TANC2: variants seen among roughly 807,000 people sequenced by gnomAD.
TANC2 encodes the protein protein TANC2.
Under a neutral mutation model 210.5 loss-of-function variants are expected in TANC2, and 26 were observed. The ratio of observed to expected loss-of-function variants is 0.12; its 90% CI spans 0.09 to 0.17. The LOEUF is 0.17. Among genes scored for constraint, TANC2 ranks in the 10% least tolerant of loss-of-function variants. The probability of loss-of-function intolerance (pLI) is 1.00; values close to 1 mark genes in which losing one functional copy is unlikely to be tolerated. For missense variants in TANC2, 2,129 were observed against 2,608.9 expected (o/e 0.82, Z 4.01); for synonymous variants, 931 against 967.1 (o/e 0.96, Z 0.69).
chr17:63,233,729 C>T lies in TANC2; in HGVS notation c.770-4085C>T, dbSNP rs895023458. Among the ~76,000 whole-genome samples, 8 of 152,230 alleles carry T rather than the reference C, an allele frequency of 5.3e-5. No homozygotes were observed. The East Asian group carries it at 1.5e-3, about 29-fold the overall frequency. On this transcript the variant is annotated intron_variant, in intron 7 of 27. Transcript: ENST00000689528. ...CCAAGATGTTAAACTTGTACCAGCA[C>T]ACCACTGGCCCCAACCCACCTCCAA...
intron 1 of TANC2, among the ~76,000 whole-genome samples, chr17:62,975,523 T>C (rs973618567): frequency 6.6e-6 from 1 of 151,768 alleles, no homozygotes; most frequent in African/African-American, 2.4e-5. Flanking sequence ...GATCAGAGAA[T>C]CAGCTTTTCC....
intron 2 of TANC2, among the ~76,000 whole-genome samples, chr17:63,070,230 A>C (rs1425208140): frequency 6.6e-6 from 1 of 152,200 alleles, no homozygotes; most frequent in Non-Finnish European, 1.5e-5. Context: ...AAGGGGAAAA[A>C]AAATCTCTTT....
chr17:63,051,486 T>A (rs983342002), intron 2 of TANC2, among the ~76,000 whole-genome samples: 1 of 152,206 alleles, frequency 6.6e-6, no homozygotes, highest in African/African-American at 2.4e-5. Flanking sequence ...GTATTATCTG[T>A]TGAAACTGTA....
chr17:63,031,549 C>T (rs1405699618), intron 2 of TANC2, among the ~76,000 whole-genome samples: 2 of 151,986 alleles, frequency 1.3e-5, no homozygotes, highest in Non-Finnish European at 2.9e-5. Context: ...ACTTTGTTTC[C>T]ATTTTAAAAA....
chr17:63,021,038 A>G (rs1181409282), intron 2 of TANC2, among the ~76,000 whole-genome samples: 3 of 152,022 alleles, frequency 2.0e-5, no homozygotes, highest in Non-Finnish European at 2.9e-5. Context: ...TGACCCAGAT[A>G]CCTCTTGAGG....
At chr17:63,396,855 T>C (rs1386505690) in intron 18 of TANC2, 2 of 152,038 alleles carry the variant, frequency 1.3e-5, no homozygotes, top group Admixed American at 1.3e-4. Flanking sequence ...AAAAAACTGT[T>C]GTTATCCTCA....
chr17:63,212,124 G>A (rs1470068267), intron 7 of TANC2, among the ~76,000 whole-genome samples: 1 of 152,040 alleles, frequency 6.6e-6, no homozygotes, highest in African/African-American at 2.4e-5. Context: ...GTGAGAACAT[G>A]CAGTGTTTGG....
intron 14 of TANC2, among the ~76,000 whole-genome samples, chr17:63,378,620 C>G (rs1300577422): frequency 1.3e-5 from 2 of 152,142 alleles, no homozygotes; most frequent in Non-Finnish European, 2.9e-5. Flanking sequence ...AAGACAATAT[C>G]CAGAGGCAGA....
At chr17:63,403,177 G>T (rs1049621564) in intron 19 of TANC2, among the ~76,000 whole-genome samples, 3 of 152,200 alleles carry the variant, frequency 2.0e-5, no homozygotes, top group Non-Finnish European at 4.4e-5. Context: ...TGAATATTCA[G>T]ATGTGTTCTG....
intron 20 of TANC2, 111 bp from the exon 21 acceptor site, chr17:63,406,043 T>C: frequency 7.2e-7 from 1 of 1,383,942 alleles, no homozygotes; most frequent in Non-Finnish European, 9.9e-7. Context: ...GAAAGATACA[T>C]GGGTGACTCG....
intron 8 of TANC2, among the ~76,000 whole-genome samples, chr17:63,238,883 A>T (rs1193128909): frequency 6.6e-6 from 1 of 152,162 alleles, no homozygotes; most frequent in Admixed American, 6.6e-5. Flanking sequence ...AAACCATCGG[A>T]TCTAATGAGA....
chr17:63,149,198 G>T (rs1031688244), intron 4 of TANC2: 1 of 151,996 alleles, frequency 6.6e-6, no homozygotes, highest in Admixed American at 6.5e-5. Context: ...TTAGTAAGAG[G>T]TTTTATTTTT....
At chr17:63,269,102 G>T (rs1309737179) in intron 9 of TANC2, among the ~76,000 whole-genome samples, 1 of 152,058 alleles carries the variant, frequency 6.6e-6, no homozygotes, top group African/African-American at 2.4e-5. Flanking sequence ...GTCCACTCTA[G>T]ACATCATTAT....
In TANC2 at chr17:63,342,622, A is replaced by G. The variant is rs543709543; in HGVS notation, c.1807+2290A>G. Among the ~76,000 whole-genome samples, 15 of 152,166 alleles carry G rather than the reference A, an allele frequency of 9.9e-5. No individual in the cohort carries two copies. In the South Asian group the frequency reaches 2.7e-3, roughly 27 times the overall value. On this transcript the variant is annotated intron_variant, in intron 12 of 27. Coordinates refer to ENST00000689528, the Ensembl canonical transcript of TANC2. ...AATCCCCATCTCTACTAAAAATACA[A>G]AAAATTAGCCGGGCATGGTGGCGGG...
intron 4 of TANC2, among the ~76,000 whole-genome samples, chr17:63,146,085 A>G (rs1033704154): frequency 3.3e-5 from 5 of 152,058 alleles, no homozygotes; most frequent in African/African-American, 4.8e-5. Context: ...TCTTTCAGCA[A>G]TGTTTGATAG....
exon 18 of TANC2, chr17:63,395,904 T>C: frequency 6.2e-7 from 1 of 1,609,984 alleles, no homozygotes; most frequent in African/African-American, 1.3e-5. Flanking sequence ...CCCTCATTGC[T>C]GCAGCCAGCA....
At chr17:63,131,763 A>T (rs533496962) in intron 4 of TANC2, among the ~76,000 whole-genome samples, 1 of 152,328 alleles carries the variant, frequency 6.6e-6, no homozygotes, top group South Asian at 2.1e-4. Flanking sequence ...GTGGTGCCTG[A>T]GAACCTGCAC....
In TANC2 at chr17:63,190,764, A is replaced by G. The variant is rs575036048; in HGVS notation, c.434-3227A>G. 2.6e-5 allele frequency among the ~76,000 whole-genome samples: 4 copies of G among 152,364 alleles called. No homozygotes were observed. In the South Asian group the frequency reaches 8.3e-4, roughly 32 times the overall value. On this transcript the variant is annotated intron_variant, in intron 5 of 27. Coordinates refer to ENST00000689528, the Ensembl canonical transcript of TANC2. ...AAAAAAAGAAGATTTGATACACACAATATGGATGAAACTCATTCTAAAATA... is the reference window on the plus strand; with the variant it reads ...AAAAAAAGAAGATTTGATACACACAGTATGGATGAAACTCATTCTAAAATA...
In TANC2 at chr17:63,139,865, C is replaced by G. The variant is rs536192021; in HGVS notation, c.323-11405C>G. ...GCTGCAGCGAGCTGTGATCACACTA[C>G]TGCACTTCAGCCAGGGTGACAGAGC... On this transcript the variant is annotated intron_variant, in intron 4 of 27. Transcript: ENST00000689528. 9.8e-5 allele frequency among the ~76,000 whole-genome samples: 15 copies of G among 152,318 alleles called. No homozygotes were observed. The East Asian group carries it at 2.9e-3, about 29-fold the overall frequency.
Sources: allele counts gnomAD v4.1 joint callset (sites outside exome capture counted in the v4.1 genomes callset), GRCh38; gene constraint gnomAD v4.1.1; transcripts MANE v1.5; gene names NCBI Gene and HGNC (gene_info 2026-07-23, HGNC 2026-07-21).